The following RSPH10B2 variants were observed in gnomAD, a reference collection of about 807,000 sequenced individuals.
RSPH10B2 encodes radial spoke head 10 homolog B2.
A neutral mutation model predicts 49.0 loss-of-function variants in RSPH10B2; 9 were observed. The observed-to-expected ratio is 0.18, with a 90% CI of 0.11 to 0.32. The LOEUF is 0.32. RSPH10B2 is among the 10% of genes least tolerant of loss of function. The pLI, the probability that RSPH10B2 is intolerant of heterozygous loss-of-function variation, is 1.00. For missense variants in RSPH10B2, 95 were observed against 589.9 expected (o/e 0.16, Z 8.69); for synonymous variants, 35 against 210.2 (o/e 0.17, Z 7.21).
intron 13 of RSPH10B2, among the ~76,000 whole-genome samples, chr7:6,782,883 CA>C (rs796843887): frequency 1.8e-5 from 2 of 114,126 alleles, no homozygotes; most frequent in Non-Finnish European, 1.8e-5. Flanking sequence ...AACTCTGTCT[CA>C]AAAAAAAACT....
At position 6,781,028 on chromosome 7, in the gene RSPH10B2, G is replaced by A. The variant is rs1158559504; in HGVS notation, c.1609+140G>A. Reference sequence around the variant, plus strand: ...GGCAGGAGGATCACCTGAGGTCAAGGAGTTCAAGACCAACCTGGCCAACAT... The same window carrying A: ...GGCAGGAGGATCACCTGAGGTCAAGAAGTTCAAGACCAACCTGGCCAACAT... On this transcript the variant is annotated intron_variant, in intron 12 of 18. Transcript: ENST00000297186. The A allele has an allele frequency of 1.9e-6, 2 of 1,077,292 alleles. 1 individual carries two copies. The highest frequency in any genetic ancestry group is 4.0e-5 in the African/African-American group (2 of 50,122). The allele number at this position is 1,077,292 out of a possible 1,614,324, so 66.7% of individuals were successfully genotyped here.
At chr7:6,761,853 GT>G (rs1781282936) in intron 3 of RSPH10B2, among the ~76,000 whole-genome samples, 1 of 140,688 alleles carries the variant, frequency 7.1e-6, no homozygotes, top group Non-Finnish European at 1.6e-5. Flanking sequence ...GATTACAGGT[GT>G]GAGCCACCGC....
At chr7:6,768,395 T>G (rs1781534455) in intron 6 of RSPH10B2, among the ~76,000 whole-genome samples, 195 bp from the exon 9 acceptor site, 1 of 151,154 alleles carries the variant, frequency 6.6e-6, no homozygotes, top group Non-Finnish European at 1.5e-5. Context: ...CTTAGAGGGC[T>G]TAAGTGATCT....
At chr7:6,756,033 C>A (rs1781055155), upstream of RSPH10B2, among the ~76,000 whole-genome samples, 1 of 150,464 alleles carries the variant, frequency 6.6e-6, no homozygotes, top group Non-Finnish European at 1.5e-5. Flanking sequence ...ACTTTGGAGG[C>A]CAAGGCGGGC....
At position 6,780,732 on chromosome 7, in the gene RSPH10B2, C is replaced by T. The variant is rs1781901470; in HGVS notation, c.1530-77C>T. 14 of 1,279,028 alleles carry T rather than the reference C, an allele frequency of 1.1e-5. 4 individuals are homozygous for T. The highest frequency in any genetic ancestry group is 7.6e-5 in the South Asian group (4 of 52,786). The allele number at this position is 1,279,028 out of a possible 1,614,324, so 79.2% of individuals were successfully genotyped here. A position where few individuals can be genotyped will look rare whatever the true frequency, so the allele number is the denominator to read the frequency against. ...TAGAAGCAAATTATTAAGTCTAGCC[C>T]GTGCTCAAGGAGAAGGGAATTATGT... On this transcript the variant is annotated intron_variant, in intron 11 of 18. Coordinates refer to ENST00000297186, the Ensembl canonical transcript of RSPH10B2.
chr7:6,792,783 C>T (rs556015709), intron 17 of RSPH10B2, among the ~76,000 whole-genome samples: 1 of 117,766 alleles, frequency 8.5e-6, no homozygotes, highest in Non-Finnish European at 1.7e-5. Flanking sequence ...TTTTCTTTTT[C>T]TTTTTTTGAG....
chr7:6,791,369 GTTTTT>G (rs1164729990), intron 16 of RSPH10B2, among the ~76,000 whole-genome samples: 1 of 116,358 alleles, frequency 8.6e-6, no homozygotes, highest in Admixed American at 8.4e-5. Context: ...AGTTTTGGGG[GTTTTT>G]TTTGAGAGGC....
At chr7:6,783,890 G>A (rs1267127006) in intron 13 of RSPH10B2, among the ~76,000 whole-genome samples, 1 of 141,340 alleles carries the variant, frequency 7.1e-6, no homozygotes, top group African/African-American at 2.7e-5. Flanking sequence ...AGGCTGGAGT[G>A]CAGCGACCTG....
intron 9 of RSPH10B2, among the ~76,000 whole-genome samples, chr7:6,774,273 G>A (rs1781690931): frequency 1.3e-5 from 1 of 77,740 alleles, no homozygotes; most frequent in South Asian, 6.6e-4. Context: ...CGCCTCCCGC[G>A]TTCAAGGGAT....
intron 17 of RSPH10B2, among the ~76,000 whole-genome samples, chr7:6,793,097 G>T (rs1340269212): frequency 2.9e-5 from 3 of 102,646 alleles, no homozygotes; most frequent in Admixed American, 1.1e-4. Context: ...TAAAGAGGTG[G>T]GTTCTTGCTC....
upstream of RSPH10B2, among the ~76,000 whole-genome samples, chr7:6,756,292 A>AAATG (rs1407649843): frequency 7.6e-6 from 1 of 131,170 alleles, no homozygotes; most frequent in African/African-American, 3.3e-5. Context: ...ATAAATAAAT[A>AAATG]AACAAACCCA....
chr7:6,779,983 T>G (rs1351388981), intron 11 of RSPH10B2, among the ~76,000 whole-genome samples: 5 of 133,674 alleles, frequency 3.7e-5, no homozygotes, highest in African/African-American at 1.1e-4. Flanking sequence ...AATTTTTTTT[T>G]TTTTTTTTTT....
At chr7:6,782,477 T>C (rs1347823289) in intron 13 of RSPH10B2, among the ~76,000 whole-genome samples, 3 of 129,904 alleles carry the variant, frequency 2.3e-5, no homozygotes, top group Non-Finnish European at 4.8e-5. Flanking sequence ...TGCCACTGCA[T>C]TCCAGGCTGG....
At chr7:6,758,416 A>G (rs1469673027) in intron 1 of RSPH10B2, among the ~76,000 whole-genome samples, 1 of 147,712 alleles carries the variant, frequency 6.8e-6, no homozygotes, top group Non-Finnish European at 1.5e-5. Context: ...AATAGCAAAC[A>G]TACAGCCCCA....
At chr7:6,781,296 C>T (rs778096203) in intron 12 of RSPH10B2, 32 bp from the exon 15 acceptor site, 1 of 1,297,192 alleles carries the variant, frequency 7.7e-7, no homozygotes, top group South Asian at 1.9e-5. Flanking sequence ...AAACATAAAT[C>T]TGTAATCATT....
intron 3 of RSPH10B2, chr7:6,761,522 C>A (rs1394524857): frequency 1.4e-5 from 2 of 146,704 alleles, no homozygotes; most frequent in Non-Finnish European, 3.0e-5. Context: ...TCCCTTCCCA[C>A]GCGACATCCC....
At chr7:6,780,415 G>A (rs1414698650) in intron 11 of RSPH10B2, among the ~76,000 whole-genome samples, 5 of 116,410 alleles carry the variant, frequency 4.3e-5, no homozygotes, top group African/African-American at 1.3e-4. Context: ...ATGGAATCTC[G>A]CTCTGTCACC....
chr7:6,791,277 C>T (rs1220169597), intron 16 of RSPH10B2, among the ~76,000 whole-genome samples: 1 of 128,020 alleles, frequency 7.8e-6, no homozygotes, highest in African/African-American at 3.2e-5. Context: ...GCTGGGATTA[C>T]AGGCATGAGC....
At chr7:6,786,660 T>G (rs1380425558) in intron 14 of RSPH10B2, among the ~76,000 whole-genome samples, 2 of 131,100 alleles carry the variant, frequency 1.5e-5, no homozygotes, top group Non-Finnish European at 1.6e-5. Flanking sequence ...AAGATTTGAT[T>G]GAAAGCACTC....
Sources: allele counts gnomAD v4.1 joint callset (sites outside exome capture counted in the v4.1 genomes callset), GRCh38; gene constraint gnomAD v4.1.1; transcripts MANE v1.5; gene names NCBI Gene and HGNC (gene_info 2026-07-23, HGNC 2026-07-21).